The following LOC122539214 variants were observed in gnomAD, a reference collection of about 807,000 sequenced individuals.
At chr19:52,682,738 C>T in the LOC122539214 span, among the ~76,000 whole-genome samples, 1 of 152,074 alleles carries the variant, frequency 6.6e-6, no homozygotes, top group Non-Finnish European at 1.5e-5. Context: ...TGTGTGGTGA[C>T]ACATGCCTAT....
the LOC122539214 span, among the ~76,000 whole-genome samples, chr19:52,653,683 C>T: frequency 3.2e-4 from 49 of 152,248 alleles, no homozygotes; most frequent in African/African-American, 1.1e-3. Context: ...TCTATGATGG[C>T]GTGTAAGAGA....
the LOC122539214 span, among the ~76,000 whole-genome samples, chr19:52,688,059 T>A: frequency 6.6e-6 from 1 of 151,996 alleles, no homozygotes; most frequent in Non-Finnish European, 1.5e-5. Flanking sequence ...CTCAATCTCA[T>A]CTTTATAATT....
the LOC122539214 span, among the ~76,000 whole-genome samples, chr19:52,662,387 C>A: frequency 1.3e-5 from 2 of 152,214 alleles, no homozygotes; most frequent in Middle Eastern, 3.4e-3. Context: ...GAGGAGCCAA[C>A]TGAACACAGG....
At chr19:52,679,516 C>A in the LOC122539214 span, among the ~76,000 whole-genome samples, 1 of 152,156 alleles carries the variant, frequency 6.6e-6, no homozygotes, top group African/African-American at 2.4e-5. Flanking sequence ...GAGGCTCAGG[C>A]AGGAGAATTG....
chr19:52,685,017 G>A, the LOC122539214 span, among the ~76,000 whole-genome samples: 2 of 152,206 alleles, frequency 1.3e-5, no homozygotes, highest in Non-Finnish European at 2.9e-5. Context: ...GAAAGGCCCC[G>A]AAGATGGTCT....
chr19:52,663,289 A>G, the LOC122539214 span, among the ~76,000 whole-genome samples: 2 of 152,234 alleles, frequency 1.3e-5, no homozygotes, highest in Non-Finnish European at 2.9e-5. Context: ...GAAAAATGAC[A>G]GTAATACGTT....
the LOC122539214 span, among the ~76,000 whole-genome samples, chr19:52,675,527 G>A: frequency 4.6e-5 from 7 of 152,126 alleles, no homozygotes; most frequent in South Asian, 8.3e-4. Context: ...TGATTTAAGC[G>A]GCCTCCTATA....
chr19:52,666,372 C>T, the LOC122539214 span, among the ~76,000 whole-genome samples: 2 of 152,114 alleles, frequency 1.3e-5, no homozygotes, highest in African/African-American at 4.8e-5. Context: ...AAGGTCTTCT[C>T]CATGACCCTA....
chr19:52,658,563 C>T, the LOC122539214 span, among the ~76,000 whole-genome samples: 3 of 152,098 alleles, frequency 2.0e-5, no homozygotes, highest in Middle Eastern at 3.2e-3. Context: ...GGGATTTACT[C>T]AAGATAGGGG....
At chr19:52,671,085 C>T in the LOC122539214 span, among the ~76,000 whole-genome samples, 3 of 152,162 alleles carry the variant, frequency 2.0e-5, no homozygotes, top group East Asian at 1.9e-4. Context: ...TCTTTGCAGA[C>T]GCACATGAAC....
chr19:52,683,515 G>GACCCTCACTCT, the LOC122539214 span, among the ~76,000 whole-genome samples: 1 of 26,892 alleles, frequency 3.7e-5, no homozygotes, highest in Non-Finnish European at 7.6e-5. Flanking sequence ...CTTCCTGAAG[G>GACCCTCACTCT]GAATCCAAAG....
chr19:52,683,262 G>GTGTGTC, the LOC122539214 span, among the ~76,000 whole-genome samples: 2 of 86,326 alleles, frequency 2.3e-5, no homozygotes, highest in Admixed American at 2.1e-4. Context: ...GTGTGTGTGT[G>GTGTGTC]TGTGTGTGTG....
At chr19:52,677,067 G>C in the LOC122539214 span, among the ~76,000 whole-genome samples, 2 of 143,422 alleles carry the variant, frequency 1.4e-5, no homozygotes, top group Admixed American at 7.1e-5. Context: ...TCCCTCCACT[G>C]TTGTCCTATG....
At chr19:52,683,501 C>T in the LOC122539214 span, among the ~76,000 whole-genome samples, 1 of 41,300 alleles carries the variant, frequency 2.4e-5, no homozygotes, top group Non-Finnish European at 4.8e-5. Context: ...ACCTTCTCCC[C>T]ACCCTTCCTG....
the LOC122539214 span, among the ~76,000 whole-genome samples, chr19:52,684,709 G>A: frequency 6.6e-6 from 1 of 152,290 alleles, no homozygotes; most frequent in East Asian, 1.9e-4. Context: ...ACTGAAGGAG[G>A]AGAAAGGGAC....
the LOC122539214 span, among the ~76,000 whole-genome samples, chr19:52,681,724 C>T: frequency 2.0e-5 from 3 of 152,196 alleles, no homozygotes; most frequent in Admixed American, 2.0e-4. Context: ...AGCTTCAAAA[C>T]TAAACTGACA....
chr19:52,690,196 A>C, the LOC122539214 span, among the ~76,000 whole-genome samples: 12,563 of 149,420 alleles, frequency 0.084, 620 homozygotes, highest in African/African-American at 0.14. Context: ...AAAAAAAAAA[A>C]AACAACAACA....
At chr19:52,687,489 AATTTATATAGAT>A in the LOC122539214 span, among the ~76,000 whole-genome samples, 4 of 58,632 alleles carry the variant, frequency 6.8e-5, no homozygotes, top group East Asian at 3.6e-4. Flanking sequence ...TATAAATTAT[AATTTATATAGAT>A]ATATAAATTA....
At chr19:52,661,488 G>T in the LOC122539214 span, among the ~76,000 whole-genome samples, 49,675 of 152,026 alleles carry the variant, frequency 0.33, 8,641 homozygotes, top group East Asian at 0.56. Flanking sequence ...GGGGGAAACT[G>T]CCTTGATGTT....
Sources: allele counts gnomAD v4.1 joint callset (sites outside exome capture counted in the v4.1 genomes callset), GRCh38; gene constraint gnomAD v4.1.1; transcripts MANE v1.5.